The following RANBP10 variants were observed in gnomAD, a reference collection of about 807,000 sequenced individuals.
The protein encoded by RANBP10 is RAN binding protein 10.
In RANBP10, 24 loss-of-function variants were observed where a neutral mutation model predicts 72.8. That is an observed-to-expected ratio of 0.33 (90% confidence interval 0.24 to 0.46). The LOEUF is 0.46. Among genes scored for constraint, RANBP10 ranks in the 20% least tolerant of loss-of-function variants. The pLI, the probability that RANBP10 is intolerant of heterozygous loss-of-function variation, is 1.00. For synonymous variants in RANBP10, 310 were observed against 322.3 expected, an observed-to-expected ratio of 0.96 and a Z score of 0.41; for missense variants, 679 against 817.5, an observed-to-expected ratio of 0.83 and a Z score of 2.07.
At chr16:67,783,584 C>G (rs1274788514) in intron 2 of RANBP10, among the ~76,000 whole-genome samples, 2 of 152,168 alleles carry the variant, frequency 1.3e-5, no homozygotes, top group African/African-American at 4.8e-5. Flanking sequence ...TATCAGGTTC[C>G]TTATTAGAGG....
At chr16:67,797,786 G>C (rs1056677582) in intron 2 of RANBP10, among the ~76,000 whole-genome samples, 1 of 151,510 alleles carries the variant, frequency 6.6e-6, no homozygotes, top group Admixed American at 6.6e-5. Context: ...ACTCCAACCT[G>C]GGTGACAGAG....
At chr16:67,754,955 C>T (rs2143008587) in intron 3 of RANBP10, among the ~76,000 whole-genome samples, 1 of 152,228 alleles carries the variant, frequency 6.6e-6, no homozygotes, top group East Asian at 1.9e-4. Context: ...GGTATAAATC[C>T]CATCAGAGGA....
chr16:67,755,012 T>C (rs115627383), intron 3 of RANBP10, among the ~76,000 whole-genome samples: 1,740 of 152,166 alleles, frequency 0.011, 27 homozygotes, highest in African/African-American at 0.034. Flanking sequence ...CCTGTGGTCA[T>C]GTAAATAACA....
At chr16:67,769,304 C>T (rs2054561905) in intron 3 of RANBP10, among the ~76,000 whole-genome samples, 1 of 151,328 alleles carries the variant, frequency 6.6e-6, no homozygotes, top group South Asian at 2.1e-4. Context: ...ACTAGCTGGG[C>T]GTGGTGGCAT....
At chr16:67,785,418 AATTAAT>A (rs2054897273) in intron 2 of RANBP10, among the ~76,000 whole-genome samples, 1 of 151,898 alleles carries the variant, frequency 6.6e-6, no homozygotes, top group African/African-American at 2.4e-5. Flanking sequence ...AATTGGACTT[AATTAAT>A]ATTAAAACTT....
At chr16:67,791,481 T>G (rs1320091326) in intron 2 of RANBP10, among the ~76,000 whole-genome samples, 2 of 152,020 alleles carry the variant, frequency 1.3e-5, no homozygotes, top group Admixed American at 1.3e-4. Context: ...TGGTAGGAAG[T>G]GATGAAAAGG....
At chr16:67,767,623 G>C (rs995447362) in intron 3 of RANBP10, among the ~76,000 whole-genome samples, 1 of 150,454 alleles carries the variant, frequency 6.6e-6, no homozygotes, top group East Asian at 2.0e-4. Flanking sequence ...TTGAGACGGC[G>C]TCTCGCTCTT....
chr16:67,806,291 C>T lies in RANBP10; in HGVS notation c.235+11G>A, dbSNP rs368484405. On this transcript the variant is annotated intron_variant, in intron 1 of 13. Transcript: ENST00000317506. ...CTAGCCTTAATTCCCCCCAGCCTGA[C>T]GGGCCGATACCTTTGTAGTGGACGC... 255 of 1,600,326 alleles carry T rather than the reference C, an allele frequency of 1.6e-4. No homozygotes were observed. The highest frequency in any genetic ancestry group is 2.1e-4 in the Non-Finnish European group (245 of 1,172,472).
intron 2 of RANBP10, among the ~76,000 whole-genome samples, chr16:67,803,828 A>AT (rs199787030): frequency 0.071 from 9,763 of 136,582 alleles, 718 homozygotes; most frequent in African/African-American, 0.17. Context: ...ACCCCATCTC[A>AT]TTAAAAAAAA....
At chr16:67,772,124 G>C in intron 2 of RANBP10, 38 bp from the exon 3 acceptor site, 1 of 1,580,912 alleles carries the variant, frequency 6.3e-7, no homozygotes, top group Non-Finnish European at 8.6e-7. Context: ...AAAATTTTTG[G>C]TTAGCAAATG....
At position 67,726,576 on chromosome 16, in the gene RANBP10, G is replaced by A; in HGVS notation, c.1733-18C>T. 6.5e-7 allele frequency: 1 copy of A among 1,546,848 alleles called. No individual in the cohort carries two copies. Among genetic ancestry groups the A allele is most frequent in the Non-Finnish European group, 8.7e-7 (1 of 1,144,480 alleles). On this transcript the variant is annotated intron_variant, in intron 13 of 13. Coordinates refer to ENST00000317506, the MANE Select transcript of RANBP10 (RefSeq NM_020850.3). ...CTGGGACTCTGTGGAGGAAAGACAAGGCCTGGTCACTGGCCTGCCCAGGGC... is the reference window on the plus strand; with the variant it reads ...CTGGGACTCTGTGGAGGAAAGACAAAGCCTGGTCACTGGCCTGCCCAGGGC...
chr16:67,786,404 C>T (rs2054918156), intron 2 of RANBP10, among the ~76,000 whole-genome samples: 1 of 152,078 alleles, frequency 6.6e-6, no homozygotes, highest in African/African-American at 2.4e-5. Context: ...ATTTGCAAAT[C>T]ATAGATCTGA....
chr16:67,746,807 T>C (rs1597851693), intron 3 of RANBP10, among the ~76,000 whole-genome samples: 1 of 152,244 alleles, frequency 6.6e-6, no homozygotes. Context: ...CCTGGCTTCT[T>C]AGACTTAGCA....
rs140543504 is a variant in RANBP10, at chr16:67,743,174, G to A, written c.568+1114C>T. On this transcript the variant is annotated intron_variant, in intron 4 of 13. Coordinates refer to ENST00000317506, the MANE Select transcript of RANBP10 (RefSeq NM_020850.3). The stretch of plus-strand genomic sequence containing the variant: ...GCTCATCTCCTGGAGAAGTCATAGA[G>A]GGGATGTGGAGAGTTGCAGCCACCT... 6.9e-3 allele frequency among the ~76,000 whole-genome samples: 1,045 copies of A among 152,340 alleles called. 14 individuals are homozygous for A. Among genetic ancestry groups the A allele is most frequent in the African/African-American group, 0.023 (951 of 41,582 alleles).
At chr16:67,802,094 CA>C (rs11349499) in intron 2 of RANBP10, among the ~76,000 whole-genome samples, 41,618 of 121,304 alleles carry the variant, frequency 0.34, 8,547 homozygotes, top group African/African-American at 0.64. Flanking sequence ...GACCCTGCCT[CA>C]AAAAAAAAAA....
Position 67,726,276 on chromosome 16 carries a change from G to A in RANBP10, c.*152C>T. 4.3e-6 allele frequency: 5 copies of A among 1,167,998 alleles called. No individual in the cohort carries two copies. The highest frequency in any genetic ancestry group is 2.9e-5 in the South Asian group (2 of 69,884). 72.4% of individuals were successfully genotyped at this position (1,167,998 alleles called of 1,614,324 possible). On this transcript the variant is annotated 3_prime_UTR_variant, in exon 14 of 14. Coordinates refer to ENST00000317506, the MANE Select transcript of RANBP10 (RefSeq NM_020850.3). ...CGGGGTGGTGGGCAGAGAAAGGAAG[G>A]AAGGAAGGAAAGGGAGAGGGGGAAA...
chr16:67,788,470 G>T (rs946337904), intron 2 of RANBP10, among the ~76,000 whole-genome samples: 7 of 151,062 alleles, frequency 4.6e-5, no homozygotes, highest in African/African-American at 1.7e-4. Context: ...TGTTAGCCAG[G>T]ATGGTCTCGA....
intron 2 of RANBP10, among the ~76,000 whole-genome samples, chr16:67,790,179 G>A (rs1473410901): frequency 1.3e-5 from 2 of 151,384 alleles, no homozygotes; most frequent in South Asian, 2.1e-4. Flanking sequence ...ATAATGCTAT[G>A]TGAAATGGGT....
intron 3 of RANBP10, chr16:67,759,515 C>G (rs1274019181): frequency 1.3e-5 from 2 of 152,262 alleles, no homozygotes; most frequent in Non-Finnish European, 2.9e-5. Context: ...GGAGCAGAGG[C>G]TTGTTCCCAG....
Sources: gnomAD v4.1 joint callset for allele counts (sites outside exome capture counted in the v4.1 genomes callset) on GRCh38, gnomAD v4.1.1 for gene constraint, MANE v1.5 for transcripts, NCBI Gene and HGNC (gene_info 2026-07-23, HGNC 2026-07-21) for gene names.